Variants in NCS1 observed in about 807,000 individuals in gnomAD.
The protein encoded by NCS1 is frequenin homolog.
In NCS1, 6 loss-of-function variants were observed where a neutral mutation model predicts 28.4. That is an observed-to-expected ratio of 0.21 (90% CI 0.12 to 0.42). The LOEUF (loss-of-function observed/expected upper bound fraction) is 0.42. NCS1 is among the 10% of genes least tolerant of loss of function. The pLI is 1.00. For missense variants in NCS1, 131 were observed against 241.4 expected (o/e 0.54, Z 3.03); for synonymous variants, 86 against 99.3 (o/e 0.87, Z 0.79).
rs1256589515 is a variant in NCS1 at position 130,219,661 on chromosome 9, G to A, written c.229-64G>A. ...TGCGACTGCCCCTCGCCCGTCCCGA[G>A]GTTCAGCCTGACCCGGTGGCCTGGC... On this transcript the variant is annotated intron_variant, in intron 3 of 7. Coordinates refer to ENST00000372398, the MANE Select transcript of NCS1 (RefSeq NM_014286.4). The surrounding 1 kb of genome is among the most constrained non-coding windows in gnomAD (Gnocchi z 5.7). 6.6e-7 allele frequency: 1 copy of A among 1,523,608 alleles called. No homozygotes were observed. The highest frequency in any genetic ancestry group is 9.1e-7 in the Non-Finnish European group (1 of 1,098,556). 94.4% of individuals were successfully genotyped at this position (1,523,608 alleles called of 1,614,324 possible). A position where few individuals can be genotyped will look rare whatever the true frequency, so the allele number is the denominator to read the frequency against.
intron 2 of NCS1, among the ~76,000 whole-genome samples, chr9:130,211,104 C>T (rs782140078): frequency 2.8e-4 from 40 of 142,282 alleles, no homozygotes; most frequent in Admixed American, 1.9e-3. Context: ...CCTCCTGCTT[C>T]GGCCTCCCAA....
intron 2 of NCS1, among the ~76,000 whole-genome samples, chr9:130,203,932 T>G (rs1832991387): frequency 6.6e-6 from 1 of 152,228 alleles, no homozygotes; most frequent in South Asian, 2.1e-4. Context: ...GCAGAGTGGC[T>G]GGGATCTTGG....
At position 130,217,922 on chromosome 9, in the gene NCS1, C is replaced by G; in HGVS notation, c.180C>G (p.Asp60Glu). The G allele has an allele frequency of 6.2e-7, 1 of 1,614,198 alleles. No individual in the cohort carries two copies. The highest frequency in any genetic ancestry group is 8.5e-7 in the Non-Finnish European group (1 of 1,180,028). Residue 60 changes from aspartate (D) to glutamate (E), a missense_variant, in exon 3 of 8, where the codon GAC becomes GAG. Physicochemically the swap from Asp to Glu is conservative, Grantham distance 45. Around this residue, in one of 2 missense-constraint regions of NCS1, gnomAD observed 100 missense variants for 210.3 expected, o/e 0.48. Coordinates refer to ENST00000372398, the MANE Select transcript of NCS1 (RefSeq NM_014286.4). ...KIYKQFFPFG[D>E]PTKFATFVFN... ...ACAAGCAATTCTTCCCGTTCGGAGA[C>G]CCCACCAAGTTTGCCACATTTGTTT...
At position 130,180,530 on chromosome 9, in the gene NCS1, G is replaced by T. The variant is rs377510530; in HGVS notation, c.64+7803G>T. On this transcript the variant is annotated intron_variant, in intron 1 of 7. Coordinates refer to ENST00000372398, the MANE Select transcript of NCS1 (RefSeq NM_014286.4). The surrounding 1 kb of genome is among the most constrained non-coding windows in gnomAD (Gnocchi z 4.5). ...GGCAGAGAGTGTCAGAGATTACGTT[G>T]CGGCGTTTCTAGGTAACTTGAGATT... Among the ~76,000 whole-genome samples the T allele has an allele frequency of 4.3e-4, 66 of 152,328 alleles. No individual in the cohort carries two copies. The highest frequency in any genetic ancestry group is 1.4e-3 in the African/African-American group (59 of 41,568).
At chr9:130,176,957 TCTC>T (rs1198816718) in intron 1 of NCS1, among the ~76,000 whole-genome samples, 3 of 152,114 alleles carry the variant, frequency 2.0e-5, no homozygotes, top group Admixed American at 6.5e-5. Context: ...CCCTTCTCCT[TCTC>T]CTCCCCATGA....
chr9:130,198,343 C>T (rs1232792681), intron 1 of NCS1, among the ~76,000 whole-genome samples: 1 of 152,134 alleles, frequency 6.6e-6, no homozygotes, highest in African/African-American at 2.4e-5. Context: ...GAGAGTGGGA[C>T]TTCGGAGCTG....
chr9:130,228,592 TA>T (rs1372286861), intron 7 of NCS1, among the ~76,000 whole-genome samples: 9 of 152,152 alleles, frequency 5.9e-5, no homozygotes, highest in Non-Finnish European at 5.9e-5. Flanking sequence ...TGTGATGTGT[TA>T]TTTTTTTATG....
At position 130,176,194 on chromosome 9, in the gene NCS1, C is replaced by CTTTCT. The variant is rs1554904576; in HGVS notation, c.64+3470_64+3471insCTTTT. On this transcript the variant is annotated intron_variant, in intron 1 of 7. Coordinates refer to ENST00000372398, the MANE Select transcript of NCS1 (RefSeq NM_014286.4). ...TCTTTCTTTCTTTCTTTCTTTCTTT[C>CTTTCT]TTTTTTTTTTTTTTTGGAGACAGGG... Among the ~76,000 whole-genome samples, 216 of 50,118 alleles carry CTTTCT rather than the reference C, an allele frequency of 4.3e-3. 1 individual carries two copies. The highest frequency in any genetic ancestry group is 0.017 in the Middle Eastern group (2 of 116). 32.9% of individuals were successfully genotyped at this position (50,118 alleles called of 152,430 possible).
chr9:130,216,718 A>AT (rs1316970070), intron 2 of NCS1, among the ~76,000 whole-genome samples: 1 of 150,640 alleles, frequency 6.6e-6, no homozygotes, highest in Non-Finnish European at 1.5e-5. Context: ...TCTGTCTCAA[A>AT]AAAAAAAAAA....
At chr9:130,197,405 G>A (rs150941620) in intron 1 of NCS1, among the ~76,000 whole-genome samples, 1 of 152,360 alleles carries the variant, frequency 6.6e-6, no homozygotes, top group Non-Finnish European at 1.5e-5. Context: ...TCTTGGAAGA[G>A]TTGAGCTTCT....
intron 2 of NCS1, among the ~76,000 whole-genome samples, chr9:130,202,659 A>C (rs548647200): frequency 2.0e-5 from 3 of 150,980 alleles, no homozygotes; most frequent in Middle Eastern, 6.8e-3. Context: ...AGCTCACTGC[A>C]ACCTCCGCCT....
chr9:130,223,385 T>G (rs1297593832), intron 6 of NCS1, among the ~76,000 whole-genome samples: 2 of 146,620 alleles, frequency 1.4e-5, no homozygotes, highest in African/African-American at 5.0e-5. Flanking sequence ...GTCCTTAGCC[T>G]TTTTTTTTTG....
intron 1 of NCS1, among the ~76,000 whole-genome samples, chr9:130,182,136 C>G (rs1186523976): frequency 6.6e-6 from 1 of 152,080 alleles, no homozygotes; most frequent in African/African-American, 2.4e-5. Flanking sequence ...TGCCCTCTCC[C>G]CAAAGCCCTG....
Position 130,226,817 on chromosome 9 carries a change from G to A in NCS1, c.*17+313G>A, listed in dbSNP as rs1452213769. On this transcript the variant is annotated intron_variant, in intron 7 of 7. Coordinates refer to ENST00000372398, the MANE Select transcript of NCS1 (RefSeq NM_014286.4). This position sits in a 1 kb window ranked among gnomAD's most constrained non-coding sequence, Gnocchi z 4.8. ...TGAAGCAGGCGGATCACCAGGTCAGGAGTTCAAGACCAGCCTGACCAACAT... is the reference window on the plus strand; with the variant it reads ...TGAAGCAGGCGGATCACCAGGTCAGAAGTTCAAGACCAGCCTGACCAACAT... 1.3e-5 allele frequency among the ~76,000 whole-genome samples: 2 copies of A among 152,042 alleles called. No homozygotes were observed. Among genetic ancestry groups the A allele is most frequent in the Admixed American group, 6.6e-5 (1 of 15,264 alleles).
rs1833511201 is a variant in NCS1 at position 130,232,383 on chromosome 9, C to A, written c.*18-607C>A. On this transcript the variant is annotated intron_variant, in intron 7 of 7. Coordinates refer to ENST00000372398, the MANE Select transcript of NCS1 (RefSeq NM_014286.4). The surrounding 1 kb of genome is among the most constrained non-coding windows in gnomAD (Gnocchi z 4.4). ...TCCTGTGGGTGTGTCCTAATGTATC[C>A]CACCACTCCTCTGATACTGGACACT... 6.6e-6 allele frequency among the ~76,000 whole-genome samples: 1 copy of A among 152,154 alleles called. No individual in the cohort carries two copies. Among genetic ancestry groups the A allele is most frequent in the South Asian group, 2.1e-4 (1 of 4,832 alleles).
At chr9:130,187,585 G>A (rs7862394) in intron 1 of NCS1, among the ~76,000 whole-genome samples, 90,831 of 152,040 alleles carry the variant, frequency 0.6, 29,250 homozygotes, top group East Asian at 0.84. Flanking sequence ...GCCAGACCTC[G>A]GTGTTTCGGA....
At chr9:130,224,347 G>A (rs1411198449) in intron 6 of NCS1, among the ~76,000 whole-genome samples, 6 of 138,894 alleles carry the variant, frequency 4.3e-5, no homozygotes, top group African/African-American at 1.3e-4. Context: ...AGTGGAGATC[G>A]CGCCATTGCA....
chr9:130,173,570 G>T (rs1675064661), intron 1 of NCS1, among the ~76,000 whole-genome samples: 1 of 152,182 alleles, frequency 6.6e-6, no homozygotes, highest in East Asian at 1.9e-4. Flanking sequence ...GGGGTTAATG[G>T]TAATGGGTCC....
At chr9:130,214,341 T>G (rs1186675074) in intron 2 of NCS1, among the ~76,000 whole-genome samples, 2 of 152,102 alleles carry the variant, frequency 1.3e-5, no homozygotes, top group Non-Finnish European at 2.9e-5. Context: ...CTTAAAATGG[T>G]CAGGAAGGCT....
Sources: gnomAD v4.1 joint callset for allele counts (sites outside exome capture counted in the v4.1 genomes callset) on GRCh38, gnomAD v4.1.1 for gene constraint, gnomAD v4.1.1 regional missense constraint, Gnocchi (gnomAD v3.1) non-coding constraint, MANE v1.5 for transcripts, NCBI Gene and HGNC (gene_info 2026-07-23, HGNC 2026-07-21) for gene names.